Variants in LUM observed in about 807,000 individuals in gnomAD.
LUM encodes the protein KSPG lumican.
In LUM, 13 loss-of-function variants were observed where a neutral mutation model predicts 20.5. The ratio of observed to expected loss-of-function variants is 0.63; its 90% CI spans 0.41 to 1.01. The LOEUF (loss-of-function observed/expected upper bound fraction) is 1.01, where lower values mean the gene tolerates loss of function less well. Ranked by LOEUF, LUM falls within the 50% of genes least tolerant of loss-of-function variation. The probability of loss-of-function intolerance (pLI) is 0.00; values close to 1 mark genes in which losing one functional copy is unlikely to be tolerated. For synonymous variants in LUM, 173 were observed against 151.5 expected (o/e 1.14, Z -1.04); for missense variants, 321 against 391.1 (o/e 0.82, Z 1.51).
At chr12:91,107,319 AAG>A (rs1299849660) in intron 2 of LUM, among the ~76,000 whole-genome samples, 1 of 139,590 alleles carries the variant, frequency 7.2e-6, no homozygotes, top group African/African-American at 2.9e-5. Flanking sequence ...GAAAGAAAGA[AAG>A]AAAGAAAGAA....
chr12:91,107,267 GAA>G (rs374601660), intron 2 of LUM, among the ~76,000 whole-genome samples: 5,018 of 83,338 alleles, frequency 0.06, 134 homozygotes, highest in Non-Finnish European at 0.067. Context: ...AAGAAAGAAA[GAA>G]AGAAAGAAAG....
In LUM at chr12:91,103,201, A is replaced by T. The variant is rs1485915018; in HGVS notation, c.*964T>A. The T allele has an allele frequency of 1.3e-5, 2 of 152,108 alleles. No individual in the cohort carries two copies. The highest frequency in any genetic ancestry group is 2.9e-5 in the Non-Finnish European group (2 of 67,968). 9.4% of individuals were successfully genotyped at this position (152,108 alleles called of 1,614,324 possible). A position where few individuals can be genotyped will look rare whatever the true frequency, so the allele number is the denominator to read the frequency against. On this transcript the variant is annotated 3_prime_UTR_variant, in exon 3 of 3. Coordinates refer to ENST00000266718, the MANE Select transcript of LUM (RefSeq NM_002345.4). ...GAAAATTTTATATTCATTCATTTTT[A>T]ATCCTGTGAGTTATCCACCATTTCT...
rs965049000 is a variant in LUM, at chr12:91,108,302, C to T, written c.678G>A (p.Lys226=). 1 of 1,614,120 alleles carries T rather than the reference C, an allele frequency of 6.2e-7. No individual in the cohort carries two copies. The part of the protein sequence containing the change: ...KISNIPDEYF[K]RFNALQYLRL... ...GCAGATACTGCAATGCATTAAAACG[C>T]TTGAAATACTCATCAGGGATGTTGC... is the stretch of plus-strand genomic sequence containing the variant. Residue 226 remains lysine (K), a synonymous_variant, in exon 2 of 3, where the codon AAG becomes AAA. Coordinates refer to ENST00000266718, the MANE Select transcript of LUM (RefSeq NM_002345.4). The surrounding 1 kb of genome is among the most constrained non-coding windows in gnomAD (Gnocchi z 4.2).
At chr12:91,109,444 A>T (rs78277685) in intron 1 of LUM, among the ~76,000 whole-genome samples, 3 of 152,224 alleles carry the variant, frequency 2.0e-5, no homozygotes, top group Admixed American at 6.5e-5. Context: ...CATGAAGAAG[A>T]TCCTTACGGG....
rs1207000740 is a variant in LUM, at chr12:91,102,841, C to T, written c.*1324G>A. On this transcript the variant is annotated 3_prime_UTR_variant, in exon 3 of 3. Transcript: ENST00000266718. ...GATCCTCTGATGAAAGGCCGCTGTA[C>T]CATAAGATAGAGTTCACTAAAAGTG... is the stretch of plus-strand genomic sequence containing the variant. 2.0e-5 allele frequency: 3 copies of T among 151,994 alleles called. No individual in the cohort carries two copies. The highest frequency in any genetic ancestry group is 7.2e-5 in the African/African-American group (3 of 41,404). The allele number at this position is 151,994 out of a possible 1,614,324, so 9.4% of individuals were successfully genotyped here.
In LUM at chr12:91,103,218, A is replaced by G. The variant is rs1879947404; in HGVS notation, c.*947T>C. 1 of 152,078 alleles carries G rather than the reference A, an allele frequency of 6.6e-6. No individual in the cohort carries two copies. The highest frequency in any genetic ancestry group is 2.4e-5 in the African/African-American group (1 of 41,446). The allele number at this position is 152,078 out of a possible 1,614,324, so 9.4% of individuals were successfully genotyped here. On this transcript the variant is annotated 3_prime_UTR_variant, in exon 3 of 3. Coordinates refer to ENST00000266718, the MANE Select transcript of LUM (RefSeq NM_002345.4). ...TCATTTTTAATCCTGTGAGTTATCC[A>G]CCATTTCTTGACAACCAAGGAGTGA...
At position 91,108,787 on chromosome 12, in the gene LUM, G is replaced by C; in HGVS notation, c.193C>G (p.Pro65Ala). ...ELKLKSVPMV[P>A]PGIKYLYLRN... ...AGGTAAAGATACTTGATTCCAGGAG[G>C]CACCATTGGTACACTTTTCAATTTC... is the stretch of plus-strand genomic sequence containing the variant. Residue 65 changes from proline (P) to alanine (A), a missense_variant, in exon 2 of 3, where the codon CCT becomes GCT. Transcript: ENST00000266718. This position sits in a 1 kb window ranked among gnomAD's most constrained non-coding sequence, Gnocchi z 4.2. 1 of 1,613,916 alleles carries C rather than the reference G, an allele frequency of 6.2e-7. No homozygotes were observed. Among genetic ancestry groups the C allele is most frequent in the Non-Finnish European group, 8.5e-7 (1 of 1,179,888 alleles).
rs780120475 is a variant in LUM, at chr12:91,108,749, C to G, written c.231G>C (p.Gln77His). 9.3e-6 allele frequency: 15 copies of G among 1,613,948 alleles called. No homozygotes were observed. The Admixed American group carries it at 2.5e-4, about 27-fold the overall frequency. ...GIKYLYLRNNQIDHIDEKAFE... is the reference protein window; with the variant it reads ...GIKYLYLRNNHIDHIDEKAFE... ...AGGCCTTTTCATCAATATGGTCAAT[C>G]TGGTTATTCCTAAGGTAAAGATACT... The change falls in exon 2 of 3, where the codon CAG becomes CAC. Residue 77 changes from glutamine to histidine, a missense_variant. Coordinates refer to ENST00000266718, the MANE Select transcript of LUM (RefSeq NM_002345.4). The surrounding 1 kb of genome is among the most constrained non-coding windows in gnomAD (Gnocchi z 4.2).
At position 91,105,260 on chromosome 12, in the gene LUM, G is replaced by A. The variant is rs182049831; in HGVS notation, c.863-941C>T. 2.1e-3 allele frequency among the ~76,000 whole-genome samples: 325 copies of A among 152,180 alleles called. 3 individuals carry two copies. Among genetic ancestry groups the A allele is most frequent in the Admixed American group, 6.6e-3 (101 of 15,276 alleles). On this transcript the variant is annotated intron_variant, in intron 2 of 2. Transcript: ENST00000266718. ...TTCTACCTCTGCCACTTACCCAGGT[G>A]GGCAACACTGGAACACTTATCTGAT...
At chr12:91,105,927 A>G (rs1880020447) in intron 2 of LUM, among the ~76,000 whole-genome samples, 1 of 152,202 alleles carries the variant, frequency 6.6e-6, no homozygotes, top group African/African-American at 2.4e-5. Flanking sequence ...AGCATCGTAA[A>G]TTCCTTTAGC....
chr12:91,103,528 C>G lies in LUM; in HGVS notation c.*637G>C, dbSNP rs1421314920. ...TTATATACAAAGTACAGAAATTTCA[C>G]AAGAAGTCAAACACAGTGATGCCAT... On this transcript the variant is annotated 3_prime_UTR_variant, in exon 3 of 3. Coordinates refer to ENST00000266718, the MANE Select transcript of LUM (RefSeq NM_002345.4). 6.6e-6 allele frequency: 1 copy of G among 152,018 alleles called. No individual in the cohort carries two copies. The highest frequency in any genetic ancestry group is 2.4e-5 in the African/African-American group (1 of 41,416). The allele number at this position is 152,018 out of a possible 1,614,324, so 9.4% of individuals were successfully genotyped here.
In LUM at chr12:91,108,862, C is replaced by G. The variant is rs1880137835; in HGVS notation, c.118G>C (p.Glu40Gln). 1 of 1,614,040 alleles carries G rather than the reference C, an allele frequency of 6.2e-7. No individual in the cohort carries two copies. Among genetic ancestry groups the G allele is most frequent in the Non-Finnish European group, 8.5e-7 (1 of 1,180,006 alleles). The change falls in exon 2 of 3, where the codon GAA (glutamate) becomes CAA (glutamine). Residue 40 changes from glutamate (E) to glutamine (Q), a missense_variant. Transcript: ENST00000266718. The surrounding 1 kb of genome is among the most constrained non-coding windows in gnomAD (Gnocchi z 4.2). ...GGGTAGCTTTCAGGGCAGTTACATT[C>G]TGGTGCACAGTTTGGTGATGATTGC... ...YGQSSPNCAP[E>Q]CNCPESYPSA...
chr12:91,106,120 C>A (rs2300588), intron 2 of LUM, among the ~76,000 whole-genome samples: 138,079 of 152,230 alleles, frequency 0.91, 62,896 homozygotes, highest in Non-Finnish European at 0.94. Flanking sequence ...TTTTCAGAAA[C>A]AACAAAGAAC....
Position 91,110,456 on chromosome 12 carries a change from A to G in LUM, c.-22+942T>C, listed in dbSNP as rs529027487. Among the ~76,000 whole-genome samples, 8 of 152,308 alleles carry G rather than the reference A, an allele frequency of 5.3e-5. No individual in the cohort carries two copies. In the East Asian group the frequency reaches 1.5e-3, roughly 29 times the overall value. On this transcript the variant is annotated intron_variant, in intron 1 of 2. Transcript: ENST00000266718. ...GATTCTCAGTAAATTACTCTCTAAGATTTTAATGGGGGCATTTAATTTTGC... is the reference window on the plus strand; with the variant it reads ...GATTCTCAGTAAATTACTCTCTAAGGTTTTAATGGGGGCATTTAATTTTGC...
rs1281765660 is a variant in LUM, at chr12:91,103,979, T to G, written c.*186A>C. The G allele has an allele frequency of 3.8e-6, 2 of 531,406 alleles. No individual in the cohort carries two copies. The highest frequency in any genetic ancestry group is 4.9e-4 in the Middle Eastern group (1 of 2,022). 32.9% of individuals were successfully genotyped at this position (531,406 alleles called of 1,614,324 possible). ...TGAGTTTGATGTCTATTCGTGTATA[T>G]GTGTGTGTTCTTGTGATGAAATAGG... On this transcript the variant is annotated 3_prime_UTR_variant, in exon 3 of 3. Coordinates refer to ENST00000266718, the MANE Select transcript of LUM (RefSeq NM_002345.4).
intron 1 of LUM, among the ~76,000 whole-genome samples, chr12:91,109,629 C>A (rs563746193): frequency 8.4e-4 from 128 of 152,122 alleles, no homozygotes; most frequent in African/African-American, 2.9e-3. Context: ...AAGCACATTG[C>A]AAAACTGTGT....
At chr12:91,107,151 AAAAGAAAG>A (rs1197158704) in intron 2 of LUM, among the ~76,000 whole-genome samples, 5 of 148,636 alleles carry the variant, frequency 3.4e-5, no homozygotes, top group African/African-American at 1.2e-4. Context: ...GTCAAAAAAA[AAAAGAAAG>A]AAAGAAAGAA....
At chr12:91,104,404 TA>T in intron 2 of LUM, 85 bp from the exon 3 acceptor site, 1 of 905,916 alleles carries the variant, frequency 1.1e-6, no homozygotes, top group East Asian at 2.7e-5. Flanking sequence ...TAATATATTA[TA>T]AAATAGGACC....
chr12:91,105,976 A>G (rs1349512870), intron 2 of LUM, among the ~76,000 whole-genome samples: 2 of 152,176 alleles, frequency 1.3e-5, no homozygotes, highest in Admixed American at 6.6e-5. Flanking sequence ...TCCTAACCAC[A>G]TATGTTTAAA....
Sources: gnomAD v4.1 joint callset for allele counts (sites outside exome capture counted in the v4.1 genomes callset) on GRCh38, gnomAD v4.1.1 for gene constraint, Gnocchi (gnomAD v3.1) non-coding constraint, MANE v1.5 for transcripts, NCBI Gene and HGNC (gene_info 2026-07-23, HGNC 2026-07-21) for gene names.